Variants in KIDINS220 observed in about 807,000 individuals in gnomAD.
The protein encoded by KIDINS220 is kinase D-interacting substrate of 220 kDa.
KIDINS220 carries 63 observed loss-of-function variants against 157.6 expected under a neutral mutation model. The observed-to-expected ratio is 0.40, with a 90% CI of 0.33 to 0.49. The LOEUF is 0.49. Ranked by LOEUF, KIDINS220 falls within the 20% of genes least tolerant of loss-of-function variation. The pLI is 0.66. For missense variants in KIDINS220, 1,772 were observed against 2,171.2 expected, an observed-to-expected ratio of 0.82 and a Z score of 3.65; for synonymous variants, 732 against 783.6, an observed-to-expected ratio of 0.93 and a Z score of 1.10.
At chr2:8,767,267 A>G (rs1334678960) in intron 22 of KIDINS220, among the ~76,000 whole-genome samples, 1 of 152,190 alleles carries the variant, frequency 6.6e-6, no homozygotes, top group Non-Finnish European at 1.5e-5. Flanking sequence ...ATTATATAAA[A>G]GATAGTAATT....
chr2:8,806,210 T>G, intron 7 of KIDINS220, 61 bp downstream of exon 7: 1 of 1,247,632 alleles, frequency 8.0e-7, no homozygotes, highest in South Asian at 1.4e-5. Flanking sequence ...AGAAATAAAT[T>G]CTCTCTCTTA....
chr2:8,818,420 T>A (rs1050962614), intron 3 of KIDINS220, among the ~76,000 whole-genome samples: 1 of 152,154 alleles, frequency 6.6e-6, no homozygotes, highest in African/African-American at 2.4e-5. Context: ...GACTCGTATG[T>A]GGATATCTTC....
At chr2:8,777,722 A>G (rs1453599322) in intron 20 of KIDINS220, among the ~76,000 whole-genome samples, 1 of 152,186 alleles carries the variant, frequency 6.6e-6, no homozygotes, top group Non-Finnish European at 1.5e-5. Context: ...TCCATCTCAT[A>G]AAAGGGGGAA....
intron 26 of KIDINS220, chr2:8,746,727 T>C (rs1457745101): frequency 6.3e-6 from 1 of 159,888 alleles, no homozygotes; most frequent in African/African-American, 2.4e-5. Flanking sequence ...TGTCTTTTTG[T>C]AGTCTCAAGG....
In KIDINS220 at chr2:8,731,335, A is replaced by C; in HGVS notation, c.4701T>G (p.Ile1567Met). 1 of 1,614,110 alleles carries C rather than the reference A, an allele frequency of 6.2e-7. No homozygotes were observed. The highest frequency in any genetic ancestry group is 1.1e-5 in the South Asian group (1 of 91,088). Residue 1567 changes from isoleucine to methionine, a missense_variant, in exon 30 of 30, where the codon ATT (isoleucine) becomes ATG (methionine). Ile to Met is a conservative substitution (Grantham distance 10). This residue lies in a region of KIDINS220 where 793 missense variants were observed against 885.5 expected (regional missense o/e 0.90). Coordinates refer to ENST00000256707, the MANE Select transcript of KIDINS220 (RefSeq NM_020738.4). This position sits in a 1 kb window ranked among gnomAD's most constrained non-coding sequence, Gnocchi z 5.2. ...EHSAEPIRTF[I>M]KAKEYLSDAL... Reference sequence around the variant, plus strand: ...CATCCGATAAATACTCTTTGGCTTTAATGAAGGTTCTGATCGGCTCAGCAC... The same window carrying C: ...CATCCGATAAATACTCTTTGGCTTTCATGAAGGTTCTGATCGGCTCAGCAC...
chr2:8,831,116 T>C (rs1347014339), intron 1 of KIDINS220, among the ~76,000 whole-genome samples: 8 of 152,240 alleles, frequency 5.3e-5, no homozygotes, highest in African/African-American at 1.9e-4. Context: ...TTACAAGTTA[T>C]TCAAGGAACT....
chr2:8,784,209 A>G (rs890244329), intron 17 of KIDINS220, among the ~76,000 whole-genome samples: 1 of 152,020 alleles, frequency 6.6e-6, no homozygotes, highest in East Asian at 1.9e-4. Flanking sequence ...AAAAGAAAAG[A>G]AGCAAGGAAG....
At position 8,729,053 on chromosome 2, in the gene KIDINS220, A is replaced by G. The variant is rs1345997658; in HGVS notation, c.*1667T>C. ...CGCGGCAACTACTCACCTGAAAAAG[A>G]AAACATTGTCTCTGAAATAATTCCT... On this transcript the variant is annotated 3_prime_UTR_variant, in exon 30 of 30. Transcript: ENST00000256707. 2.0e-6 allele frequency: 2 copies of G among 983,000 alleles called. No homozygotes were observed. Among genetic ancestry groups the G allele is most frequent in the East Asian group, 1.1e-4 (1 of 8,814 alleles). 60.9% of individuals were successfully genotyped at this position (983,000 alleles called of 1,614,324 possible). A position where few individuals can be genotyped will look rare whatever the true frequency, so the allele number is the denominator to read the frequency against.
At chr2:8,794,425 T>G (rs765683422) in intron 11 of KIDINS220, 1 of 154,882 alleles carries the variant, frequency 6.5e-6, no homozygotes, top group Non-Finnish European at 1.4e-5. Flanking sequence ...TTACAATCCA[T>G]GCGGACAGCC....
chr2:8,781,981 C>T (rs554817940), intron 17 of KIDINS220, among the ~76,000 whole-genome samples: 2 of 151,952 alleles, frequency 1.3e-5, no homozygotes, highest in South Asian at 2.1e-4. Context: ...GGTGTGGTGG[C>T]GTGTAGCCTG....
At chr2:8,735,698 G>A (rs1401284090) in intron 27 of KIDINS220, among the ~76,000 whole-genome samples, 2 of 152,144 alleles carry the variant, frequency 1.3e-5, no homozygotes, top group African/African-American at 4.8e-5. Flanking sequence ...TTATGAAATA[G>A]CTATGTTTAT....
chr2:8,828,588 G>A (rs555173022), intron 1 of KIDINS220, among the ~76,000 whole-genome samples: 4 of 152,256 alleles, frequency 2.6e-5, no homozygotes, highest in South Asian at 2.1e-4. Context: ...TAAATATAAT[G>A]TCTGAAAGTA....
chr2:8,746,991 A>G (rs1666674003), intron 26 of KIDINS220, 154 bp downstream of exon 26: 1 of 589,580 alleles, frequency 1.7e-6, no homozygotes, highest in Non-Finnish European at 3.0e-6. Flanking sequence ...TAATTCAGGA[A>G]CCATAATTAT....
At chr2:8,828,041 C>T (rs953717844) in intron 1 of KIDINS220, among the ~76,000 whole-genome samples, 1 of 152,028 alleles carries the variant, frequency 6.6e-6, no homozygotes, top group African/African-American at 2.4e-5. Flanking sequence ...TATTCAAAGC[C>T]CTCTAAGGGC....
chr2:8,809,438 A>G lies in KIDINS220; in HGVS notation c.504+2957T>C, dbSNP rs553856153. ...TGATTCATTCACCACCTTTGATGCT[A>G]CAATAGCCAAGTTCTCCTAGCTCTG... On this transcript the variant is annotated intron_variant, in intron 6 of 29. Coordinates refer to ENST00000256707, the MANE Select transcript of KIDINS220 (RefSeq NM_020738.4). 1.5e-4 allele frequency among the ~76,000 whole-genome samples: 23 copies of G among 152,126 alleles called. No homozygotes were observed. In the Middle Eastern group the frequency reaches 0.01, roughly 67 times the overall value.
In KIDINS220 at chr2:8,739,964, T is replaced by C. The variant is rs539334252; in HGVS notation, c.3586-2965A>G. Among the ~76,000 whole-genome samples the C allele has an allele frequency of 4.6e-5, 7 of 152,354 alleles. No individual in the cohort carries two copies. In the South Asian group the frequency reaches 6.2e-4, roughly 14 times the overall value. On this transcript the variant is annotated intron_variant, in intron 26 of 29. Transcript: ENST00000256707. ...CTACACTCTGACACATTATCATCTT[T>C]GGTAAATTTATTAAATAAGCACAAA... is the stretch of plus-strand genomic sequence containing the variant.
chr2:8,791,605 A>G (rs1449326669), intron 12 of KIDINS220, among the ~76,000 whole-genome samples: 1 of 152,190 alleles, frequency 6.6e-6, no homozygotes, highest in Non-Finnish European at 1.5e-5. Flanking sequence ...CCAATTTCAG[A>G]GATGTTAAAT....
chr2:8,736,341 A>C (rs1368010538), intron 27 of KIDINS220, among the ~76,000 whole-genome samples: 3 of 152,222 alleles, frequency 2.0e-5, no homozygotes. Flanking sequence ...TAGAAGAAAA[A>C]AAAACTATGC....
intron 27 of KIDINS220, 143 bp downstream of exon 27, chr2:8,736,725 G>A: frequency 4.7e-6 from 4 of 859,636 alleles, no homozygotes; most frequent in Non-Finnish European, 6.9e-6. Flanking sequence ...AAACTAGTAA[G>A]AATTATGTTT....
Sources: gnomAD v4.1 joint callset for allele counts (sites outside exome capture counted in the v4.1 genomes callset) on GRCh38, gnomAD v4.1.1 for gene constraint, gnomAD v4.1.1 regional missense constraint, Gnocchi (gnomAD v3.1) non-coding constraint, MANE v1.5 for transcripts, NCBI Gene and HGNC (gene_info 2026-07-23, HGNC 2026-07-21) for gene names.